Variants in PAK3 observed in about 807,000 individuals in gnomAD.
The protein encoded by PAK3 is serine/threonine-protein kinase PAK 3.
In PAK3, 4 loss-of-function variants were observed where a neutral mutation model predicts 41.0. The observed-to-expected ratio is 0.10, with a 90% CI of 0.05 to 0.22. The LOEUF (loss-of-function observed/expected upper bound fraction) is 0.22, where lower values mean the gene tolerates loss of function less well. Among genes scored for constraint, PAK3 ranks in the 10% least tolerant of loss-of-function variants. PAK3 has a pLI of 1.00. For synonymous variants in PAK3, 146 were observed against 139.6 expected, an observed-to-expected ratio of 1.05 and a Z score of -0.32; for missense variants, 205 against 409.9, an observed-to-expected ratio of 0.50 and a Z score of 4.32.
intron 1 of PAK3, among the ~76,000 whole-genome samples, chrX:111,078,504 A>G (rs778021051): frequency 1.5e-4 from 17 of 111,070 alleles, no homozygotes; most frequent in Non-Finnish European, 2.5e-4. Flanking sequence ...ATAAGATGGC[A>G]AACATAATCA....
chrX:111,180,500 A>G (rs1350867476), intron 11 of PAK3, among the ~76,000 whole-genome samples: 2 of 112,212 alleles, frequency 1.8e-5, no homozygotes, highest in Non-Finnish European at 3.8e-5. Context: ...ATAAATGAAT[A>G]TGGATAAGTA....
chrX:111,168,538 C>T (rs913922717), intron 10 of PAK3, among the ~76,000 whole-genome samples: 5 of 111,758 alleles, frequency 4.5e-5, no homozygotes, highest in Non-Finnish European at 7.5e-5. Context: ...CTGTGAAGGG[C>T]GATGAGTGTG....
intron 10 of PAK3, among the ~76,000 whole-genome samples, chrX:111,168,645 T>G (rs976381761): frequency 9.0e-6 from 1 of 110,982 alleles, no homozygotes; most frequent in Non-Finnish European, 1.9e-5. Context: ...TTATTTCCAG[T>G]TTTTTTTCCC....
chrX:111,034,658 T>G (rs1437799215), intron 1 of PAK3, among the ~76,000 whole-genome samples: 1 of 111,593 alleles, frequency 9.0e-6, no homozygotes, highest in Non-Finnish European at 1.9e-5. Context: ...CCCTTGAAAC[T>G]GACCTTGACA....
chrX:111,162,881 A>T (rs2094208157), intron 8 of PAK3, 34 bp from the exon 9 acceptor site: 1 of 1,173,889 alleles, frequency 8.5e-7, no homozygotes, highest in African/African-American at 1.8e-5. Context: ...TGAGGAGTTA[A>T]TACCTGATCT....
intron 16 of PAK3, among the ~76,000 whole-genome samples, chrX:111,212,691 G>A (rs1046627800): frequency 3.6e-5 from 4 of 112,181 alleles, no homozygotes; most frequent in South Asian, 7.4e-4. Context: ...TTGATGAAAA[G>A]CAGGTTTAAT....
rs778861581 is a variant in PAK3, at chrX:111,221,269, T to A, written c.*822T>A. 9.0e-6 allele frequency: 1 copy of A among 111,444 alleles called. No homozygotes were observed. Among genetic ancestry groups the A allele is most frequent in the Non-Finnish European group, 1.9e-5 (1 of 53,124 alleles). The allele number at this position is 111,444 out of a possible 1,213,427, so 9.2% of individuals were successfully genotyped here. Reference sequence around the variant, plus strand: ...CAATGATGCTTAAAAGATAATTGAGTAAACCAGGTTGTTAATCTCCTTAAT... The same window carrying A: ...CAATGATGCTTAAAAGATAATTGAGAAAACCAGGTTGTTAATCTCCTTAAT... On this transcript the variant is annotated 3_prime_UTR_variant, in exon 18 of 18. Transcript: ENST00000372007.
intron 16 of PAK3, among the ~76,000 whole-genome samples, chrX:111,198,081 T>C (rs1301728809): frequency 8.9e-6 from 1 of 112,440 alleles, no homozygotes; most frequent in Non-Finnish European, 1.9e-5. Context: ...TAATGATTAA[T>C]GATGTGGAGC....
rs190464930 is a variant in PAK3, at chrX:111,018,820, C to T, written c.-28+74192C>T. Among the ~76,000 whole-genome samples the T allele has an allele frequency of 2.2e-3, 248 of 111,668 alleles. 2 individuals carry two copies. Among genetic ancestry groups the T allele is most frequent in the Non-Finnish European group, 3.5e-3 (186 of 53,083 alleles). On this transcript the variant is annotated intron_variant, in intron 1 of 14. Transcript: ENST00000425146. ...AAACAGAGCAAAGTTGGAGAACTCA[C>T]ACTTCTTAATTTCAAAACATACTAC...
At chrX:111,208,934 C>CGTGTGTGT (rs202080809) in intron 16 of PAK3, among the ~76,000 whole-genome samples, 62 of 104,406 alleles carry the variant, frequency 5.9e-4, no homozygotes, top group African/African-American at 2.2e-3. Flanking sequence ...CGAGGAATGA[C>CGTGTGTGT]GTGTGTGTGT....
At chrX:111,068,442 G>A (rs752664729) in intron 1 of PAK3, among the ~76,000 whole-genome samples, 1 of 111,997 alleles carries the variant, frequency 8.9e-6, no homozygotes, top group Admixed American at 9.4e-5. Context: ...TGAGATCACA[G>A]GTGTGTGCCA....
intron 4 of PAK3, among the ~76,000 whole-genome samples, chrX:111,106,843 A>T (rs773453419): frequency 8.9e-6 from 1 of 112,283 alleles, no homozygotes; most frequent in East Asian, 2.8e-4. Context: ...TCAATGAGAA[A>T]TAGATCCTTT....
intron 11 of PAK3, among the ~76,000 whole-genome samples, chrX:111,184,555 C>T (rs890894828): frequency 3.2e-4 from 35 of 108,857 alleles, no homozygotes; most frequent in African/African-American, 1.1e-3. Flanking sequence ...CCCCTAGCCC[C>T]CCATCCCCCA....
At chrX:111,146,287 T>A (rs1006932575) in intron 6 of PAK3, among the ~76,000 whole-genome samples, 2 of 111,767 alleles carry the variant, frequency 1.8e-5, no homozygotes, top group Non-Finnish European at 3.8e-5. Context: ...TTGCCAAAAG[T>A]GGAATTATAC....
chrX:111,175,318 T>C (rs142385451), intron 11 of PAK3, among the ~76,000 whole-genome samples: 1 of 111,959 alleles, frequency 8.9e-6, no homozygotes, highest in African/African-American at 3.2e-5. Flanking sequence ...GCACACCTGA[T>C]TTCAAAACCT....
chrX:111,215,716 T>G (rs1291724092), intron 16 of PAK3, among the ~76,000 whole-genome samples: 1 of 112,237 alleles, frequency 8.9e-6, no homozygotes, highest in African/African-American at 3.2e-5. Flanking sequence ...AGCAACTTAT[T>G]ATTTTACCAT....
At chrX:111,160,525 T>C (rs2149177449) in intron 8 of PAK3, among the ~76,000 whole-genome samples, 1 of 109,883 alleles carries the variant, frequency 9.1e-6, no homozygotes, top group South Asian at 3.9e-4. Flanking sequence ...TGCAGGTTTG[T>C]TACATATGTA....
intron 1 of PAK3, among the ~76,000 whole-genome samples, chrX:110,946,672 C>T (rs888742766): frequency 8.9e-6 from 1 of 112,464 alleles, no homozygotes; most frequent in Non-Finnish European, 1.9e-5. Flanking sequence ...GGCATACCTG[C>T]ATTACATTTA....
At chrX:111,143,410 G>A in intron 6 of PAK3, among the ~76,000 whole-genome samples, 2 of 111,543 alleles carry the variant, frequency 1.8e-5, no homozygotes, top group Middle Eastern at 4.6e-3. Context: ...GCCTCATAAA[G>A]TGGTGTAAGC....
Sources: gnomAD v4.1 joint callset for allele counts (sites outside exome capture counted in the v4.1 genomes callset) on GRCh38, gnomAD v4.1.1 for gene constraint, MANE v1.5 for transcripts, NCBI Gene and HGNC (gene_info 2026-07-23, HGNC 2026-07-21) for gene names.